DRC11: variants seen among roughly 807,000 people sequenced by gnomAD.
The protein encoded by DRC11 is IQ and AAA domain-containing protein 1.
At chr2:236,433,524 A>C in the DRC11 span, among the ~76,000 whole-genome samples, 1 of 152,162 alleles carries the variant, frequency 6.6e-6, no homozygotes, top group Non-Finnish European at 1.5e-5. Flanking sequence ...ATGGTCTCTT[A>C]CATTACATTT....
the DRC11 span, among the ~76,000 whole-genome samples, chr2:236,371,966 T>C: frequency 6.6e-6 from 1 of 152,334 alleles, no homozygotes; most frequent in African/African-American, 2.4e-5. The surrounding 1 kb of genome is among the most constrained non-coding windows in gnomAD (Gnocchi z 5.1). Context: ...GGCACTTTTA[T>C]TAGAATGTCT....
At chr2:236,487,666 T>C in the DRC11 span, among the ~76,000 whole-genome samples, 1 of 152,234 alleles carries the variant, frequency 6.6e-6, no homozygotes, top group Non-Finnish European at 1.5e-5. Flanking sequence ...TGTAATTATA[T>C]ATCTGTGTGT....
At chr2:236,491,118 A>AGT in the DRC11 span, among the ~76,000 whole-genome samples, 1 of 112,620 alleles carries the variant, frequency 8.9e-6, no homozygotes, top group Non-Finnish European at 1.8e-5. Flanking sequence ...ATATATATAC[A>AGT]GTGTGTATAT....
At chr2:236,424,651 T>G in the DRC11 span, among the ~76,000 whole-genome samples, 4 of 150,376 alleles carry the variant, frequency 2.7e-5, no homozygotes, top group South Asian at 4.1e-4. Flanking sequence ...TTAGCATTTT[T>G]TGTGTGTGAT....
the DRC11 span, among the ~76,000 whole-genome samples, chr2:236,450,299 TTTTTCTTTTC>T: frequency 2.7e-5 from 4 of 150,542 alleles, no homozygotes; most frequent in East Asian, 3.9e-4. Context: ...TTGGCTTTCT[TTTTTCTTTTC>T]TTTTCTTTTT....
the DRC11 span, among the ~76,000 whole-genome samples, chr2:236,307,429 G>C: frequency 2.6e-5 from 4 of 152,170 alleles, no homozygotes; most frequent in African/African-American, 9.7e-5. This position sits in a 1 kb window ranked among gnomAD's most constrained non-coding sequence, Gnocchi z 7.0. Context: ...CCTGAGCCAG[G>C]GCTGTTTGAG....
the DRC11 span, chr2:236,332,171 CA>C: frequency 1.3e-5 from 2 of 154,386 alleles, no homozygotes; most frequent in Non-Finnish European, 2.9e-5. The surrounding 1 kb of genome is among the most constrained non-coding windows in gnomAD (Gnocchi z 5.1). Flanking sequence ...TCCCCCTCAG[CA>C]ACTGTAAACA....
chr2:236,426,064 T>C, the DRC11 span, among the ~76,000 whole-genome samples: 1 of 152,030 alleles, frequency 6.6e-6, no homozygotes, highest in East Asian at 1.9e-4. This position sits in a 1 kb window ranked among gnomAD's most constrained non-coding sequence, Gnocchi z 4.1. Context: ...AATCAGGAAG[T>C]GTGATGTCTT....
chr2:236,502,564 A>AAAAAAAAAAAAAAAAAAAAAAAAAAAAC, the DRC11 span, among the ~76,000 whole-genome samples: 1 of 148,118 alleles, frequency 6.8e-6, no homozygotes, highest in African/African-American at 2.5e-5. Flanking sequence ...AAAAAAAAAA[A>AAAAAAAAAAAAAAAAAAAAAAAAAAAAC]AAAAAAAAAA....
the DRC11 span, among the ~76,000 whole-genome samples, chr2:236,439,466 G>A: frequency 6.6e-6 from 1 of 152,142 alleles, no homozygotes; most frequent in Non-Finnish European, 1.5e-5. Context: ...AAAAGATAGT[G>A]TGTATTTGTA....
the DRC11 span, chr2:236,408,589 C>T: frequency 1.1e-5 from 8 of 727,852 alleles, no homozygotes; most frequent in Admixed American, 1.5e-4. This position sits in a 1 kb window ranked among gnomAD's most constrained non-coding sequence, Gnocchi z 5.5. Flanking sequence ...GTGGCAGTGA[C>T]ATGGATGACT....
chr2:236,434,466 G>A, the DRC11 span, among the ~76,000 whole-genome samples: 2 of 152,266 alleles, frequency 1.3e-5, no homozygotes, highest in African/African-American at 2.4e-5. The surrounding 1 kb of genome is among the most constrained non-coding windows in gnomAD (Gnocchi z 5.5). Flanking sequence ...AGTACCTCAC[G>A]TGTATTGTCT....
chr2:236,459,689 A>C, the DRC11 span, among the ~76,000 whole-genome samples: 3 of 129,088 alleles, frequency 2.3e-5, no homozygotes, highest in Non-Finnish European at 3.4e-5. Context: ...ATGTATATAC[A>C]TATATACATA....
the DRC11 span, among the ~76,000 whole-genome samples, chr2:236,354,565 G>A: frequency 2.0e-5 from 3 of 152,122 alleles, no homozygotes; most frequent in Non-Finnish European, 2.9e-5. Context: ...AGCCAGCTTG[G>A]AGAAGCCTGT....
the DRC11 span, among the ~76,000 whole-genome samples, chr2:236,341,043 G>A: frequency 1.8e-4 from 27 of 152,150 alleles, no homozygotes; most frequent in Admixed American, 1.2e-3. Context: ...CCCCTACCGC[G>A]GGGCCTGCCA....
At chr2:236,351,225 G>A in the DRC11 span, among the ~76,000 whole-genome samples, 1 of 152,190 alleles carries the variant, frequency 6.6e-6, no homozygotes, top group South Asian at 2.1e-4. The surrounding 1 kb of genome is among the most constrained non-coding windows in gnomAD (Gnocchi z 7.3). Context: ...GAGCCCACCT[G>A]TGGTAAGGGA....
At chr2:236,351,502 T>A in the DRC11 span, among the ~76,000 whole-genome samples, 1 of 152,102 alleles carries the variant, frequency 6.6e-6, no homozygotes, top group South Asian at 2.1e-4. This position sits in a 1 kb window ranked among gnomAD's most constrained non-coding sequence, Gnocchi z 7.3. Flanking sequence ...CTGGAAGGGG[T>A]CAGAAAAGTG....
the DRC11 span, among the ~76,000 whole-genome samples, chr2:236,358,102 A>C: frequency 2.7e-3 from 311 of 117,144 alleles, 2 homozygotes; most frequent in African/African-American, 0.01. Context: ...TACCATATGA[A>C]TATATATTAT....
the DRC11 span, among the ~76,000 whole-genome samples, chr2:236,500,653 T>C: frequency 5.9e-5 from 9 of 152,258 alleles, no homozygotes; most frequent in South Asian, 1.2e-3. This position sits in a 1 kb window ranked among gnomAD's most constrained non-coding sequence, Gnocchi z 6.3. Context: ...CTTGGCACAG[T>C]GTATTAGTCC....
Sources: gnomAD v4.1 joint callset for allele counts (sites outside exome capture counted in the v4.1 genomes callset) on GRCh38, gnomAD v4.1.1 for gene constraint, Gnocchi (gnomAD v3.1) non-coding constraint, MANE v1.5 for transcripts, NCBI Gene and HGNC (gene_info 2026-07-23, HGNC 2026-07-21) for gene names.